KIF18A: variants seen among roughly 807,000 people sequenced by gnomAD.
The protein encoded by KIF18A is kinesin family member 18A.
Under a neutral mutation model 103.3 loss-of-function variants are expected in KIF18A, and 67 were observed. The observed-to-expected ratio is 0.65, with a 90% CI of 0.53 to 0.79. KIF18A has a LOEUF of 0.79. KIF18A is among the 30% of genes least tolerant of loss of function. KIF18A has a pLI of 0.00. For missense variants in KIF18A, 1,032 were observed against 1,062.5 expected, an observed-to-expected ratio of 0.97 and a Z score of 0.40; for synonymous variants, 367 against 355.5, an observed-to-expected ratio of 1.03 and a Z score of -0.36.
intron 15 of KIF18A, among the ~76,000 whole-genome samples, chr11:28,032,736 A>C (rs1469603067): frequency 6.6e-6 from 1 of 151,880 alleles, no homozygotes; most frequent in Non-Finnish European, 1.5e-5. Context: ...ATAAAAATTT[A>C]AATTTAAGAC....
At chr11:28,075,869 A>AATAC (rs1851084680) in intron 10 of KIF18A, among the ~76,000 whole-genome samples, 1 of 152,166 alleles carries the variant, frequency 6.6e-6, no homozygotes, top group African/African-American at 2.4e-5. Flanking sequence ...TTCTATACAA[A>AATAC]ATACATGGGT....
Position 28,055,774 on chromosome 11 carries a change from T to G in KIF18A, c.1948+3152A>C, listed in dbSNP as rs562290514. On this transcript the variant is annotated intron_variant, in intron 13 of 16. Coordinates refer to ENST00000263181, the MANE Select transcript of KIF18A (RefSeq NM_031217.4). ...ATGCATCAAAATATTCTGCAAATAA[T>G]TTTGCAAATACCTGACTGGCACACA... Among the ~76,000 whole-genome samples, 8 of 152,252 alleles carry G rather than the reference T, an allele frequency of 5.3e-5. No individual in the cohort carries two copies. The East Asian group carries it at 1.5e-3, about 29-fold the overall frequency.
intron 13 of KIF18A, among the ~76,000 whole-genome samples, chr11:28,057,943 A>G (rs924684093): frequency 6.6e-6 from 1 of 152,214 alleles, no homozygotes; most frequent in Non-Finnish European, 1.5e-5. Context: ...CACTATGTGT[A>G]ATGTGCTAGC....
intron 13 of KIF18A, among the ~76,000 whole-genome samples, chr11:28,051,201 A>G (rs918726277): frequency 6.6e-6 from 1 of 151,918 alleles, no homozygotes; most frequent in Non-Finnish European, 1.5e-5. Context: ...ACTGGAAATT[A>G]TTCTGATATT....
At chr11:28,072,349 A>T (rs1851029983) in intron 10 of KIF18A, among the ~76,000 whole-genome samples, 1 of 152,176 alleles carries the variant, frequency 6.6e-6, no homozygotes, top group South Asian at 2.1e-4. Flanking sequence ...TTATGGGGTC[A>T]TGAAATTACC....
chr11:28,062,491 T>C lies in KIF18A; in HGVS notation c.1616A>G (p.His539Arg), dbSNP rs571010392. 3 of 1,611,382 alleles carry C rather than the reference T, an allele frequency of 1.9e-6. No individual in the cohort carries two copies. In the African/African-American group the frequency reaches 4.0e-5, roughly 22 times the overall value. Residue 539 changes from histidine (H) to arginine (R), a missense_variant, in exon 12 of 17, where the codon CAC becomes CGC. Physicochemically the swap from His to Arg is conservative, Grantham distance 29 (BLOSUM62 0). Coordinates refer to ENST00000263181, the MANE Select transcript of KIF18A (RefSeq NM_031217.4). ...PKELKKDLHCHHLHLQNKDLK... is the reference protein window; with the variant it reads ...PKELKKDLHCRHLHLQNKDLK... ...ATCTTTGTTCTGGAGGTGCAAATGGTGACAATGAAGATCTTTCTTGAGTTC... is the reference window on the plus strand; with the variant it reads ...ATCTTTGTTCTGGAGGTGCAAATGGCGACAATGAAGATCTTTCTTGAGTTC...
At chr11:28,045,530 C>A (rs938720196) in intron 13 of KIF18A, among the ~76,000 whole-genome samples, 1 of 151,446 alleles carries the variant, frequency 6.6e-6, no homozygotes, top group Non-Finnish European at 1.5e-5. Flanking sequence ...CTTAAGTAGG[C>A]TCTAAATGTT....
intron 3 of KIF18A, among the ~76,000 whole-genome samples, chr11:28,093,216 T>C (rs1851326320): frequency 6.6e-6 from 1 of 152,098 alleles, no homozygotes; most frequent in Non-Finnish European, 1.5e-5. Flanking sequence ...AAGGAAAAAA[T>C]AATGAATGCT....
chr11:28,057,513 T>TCAAAA (rs552243130), intron 13 of KIF18A, among the ~76,000 whole-genome samples: 145 of 152,008 alleles, frequency 9.5e-4, no homozygotes, highest in Non-Finnish European at 1.5e-3. Context: ...AGACTCGGTC[T>TCAAAA]CAAAACAAAA....
intron 15 of KIF18A, among the ~76,000 whole-genome samples, chr11:28,027,911 G>T (rs1590659672): frequency 6.6e-6 from 1 of 151,766 alleles, no homozygotes; most frequent in Non-Finnish European, 1.5e-5. Flanking sequence ...AAAACTCCAG[G>T]CCAATATCCC....
At chr11:28,068,593 C>G (rs1850968517) in intron 11 of KIF18A, among the ~76,000 whole-genome samples, 1 of 152,014 alleles carries the variant, frequency 6.6e-6, no homozygotes, top group Non-Finnish European at 1.5e-5. Context: ...TCTTTGCTCT[C>G]CTGATATAGA....
intron 12 of KIF18A, among the ~76,000 whole-genome samples, chr11:28,059,662 C>T (rs1319337126): frequency 6.6e-6 from 1 of 151,962 alleles, no homozygotes; most frequent in African/African-American, 2.4e-5. Flanking sequence ...AAACACTTAG[C>T]CTCAAGAGAT....
chr11:28,049,526 G>A (rs1433090571), intron 13 of KIF18A, among the ~76,000 whole-genome samples: 1 of 152,002 alleles, frequency 6.6e-6, no homozygotes, highest in Non-Finnish European at 1.5e-5. Flanking sequence ...GCAAACATGA[G>A]TCATAGGCTG....
chr11:28,085,860 A>G (rs961441068), intron 6 of KIF18A, among the ~76,000 whole-genome samples: 10 of 152,152 alleles, frequency 6.6e-5, no homozygotes, highest in African/African-American at 2.4e-4. Context: ...ACACTTCACT[A>G]TAAGAACTTA....
rs11826353 is a variant in KIF18A, at chr11:28,086,990, C to T, written c.897+1534G>A. On this transcript the variant is annotated intron_variant, in intron 6 of 16. Coordinates refer to ENST00000263181, the MANE Select transcript of KIF18A (RefSeq NM_031217.4). The stretch of plus-strand genomic sequence containing the variant: ...ATTTGCCTTTTTTTAAAAAAAAAAC[C>T]TGCTCCAATTATTTTAATATACTTA... Among the ~76,000 whole-genome samples, 1,063 of 151,760 alleles carry T rather than the reference C, an allele frequency of 7.0e-3. 7 individuals carry two copies. Among genetic ancestry groups the T allele is most frequent in the African/African-American group, 0.023 (967 of 41,400 alleles).
At chr11:28,028,658 A>T (rs1276183153) in intron 15 of KIF18A, among the ~76,000 whole-genome samples, 1 of 152,180 alleles carries the variant, frequency 6.6e-6, no homozygotes, top group Non-Finnish European at 1.5e-5. Flanking sequence ...AGCCAGCAGA[A>T]GGCAAGAAAT....
intron 1 of KIF18A, among the ~76,000 whole-genome samples, chr11:28,106,602 T>C (rs1851514536): frequency 6.6e-6 from 1 of 151,496 alleles, no homozygotes; most frequent in Non-Finnish European, 1.5e-5. Context: ...TTAATTGATT[T>C]GGGGTATTTC....
At chr11:28,052,939 AAC>A (rs1850729447) in intron 13 of KIF18A, among the ~76,000 whole-genome samples, 1 of 152,240 alleles carries the variant, frequency 6.6e-6, no homozygotes, top group Admixed American at 6.5e-5. Context: ...AATTAAAAAA[AAC>A]ACACTCAACT....
chr11:28,033,088 AAAG>A (rs148121946), intron 15 of KIF18A, among the ~76,000 whole-genome samples: 9,116 of 151,814 alleles, frequency 0.06, 584 homozygotes, highest in East Asian at 0.36. Flanking sequence ...CATAAATGGC[AAAG>A]AAGCTTATGA....
Sources: gnomAD v4.1 joint callset for allele counts (sites outside exome capture counted in the v4.1 genomes callset) on GRCh38, gnomAD v4.1.1 for gene constraint, MANE v1.5 for transcripts, NCBI Gene and HGNC (gene_info 2026-07-23, HGNC 2026-07-21) for gene names.